Variants in ARHGAP15 observed in about 807,000 individuals in gnomAD.
The protein encoded by ARHGAP15 is rho GTPase-activating protein 15.
ARHGAP15 carries 51 observed loss-of-function variants against 63.7 expected under a neutral mutation model. That is an observed-to-expected ratio of 0.80 (90% CI 0.64 to 1.01). The LOEUF (loss-of-function observed/expected upper bound fraction) is 1.01. Ranked by LOEUF, ARHGAP15 falls within the 50% of genes least tolerant of loss-of-function variation. The pLI, the probability that ARHGAP15 is intolerant of heterozygous loss-of-function variation, is 0.00. For missense variants in ARHGAP15, 560 were observed against 564.6 expected (o/e 0.99, Z 0.08); for synonymous variants, 191 against 193.8 (o/e 0.99, Z 0.12).
intron 13 of ARHGAP15, among the ~76,000 whole-genome samples, chr2:143,753,860 G>A (rs1259538466): frequency 6.6e-6 from 1 of 152,136 alleles, no homozygotes; most frequent in Non-Finnish European, 1.5e-5. Context: ...GATAATATAT[G>A]CGAAGGAAAG....
At chr2:143,189,625 C>A (rs563521007) in intron 2 of ARHGAP15, among the ~76,000 whole-genome samples, 52 of 151,826 alleles carry the variant, frequency 3.4e-4, no homozygotes, top group African/African-American at 1.1e-3. Flanking sequence ...ACACACCTGG[C>A]TAATTTTTGT....
chr2:143,324,966 C>T (rs1302312169), intron 6 of ARHGAP15, among the ~76,000 whole-genome samples: 1 of 152,134 alleles, frequency 6.6e-6, no homozygotes, highest in Admixed American at 6.6e-5. Context: ...AAATTAGATT[C>T]ATTCTCTAGC....
chr2:143,739,010 T>C (rs1361231759), intron 13 of ARHGAP15, among the ~76,000 whole-genome samples: 1 of 152,170 alleles, frequency 6.6e-6, no homozygotes, highest in Non-Finnish European at 1.5e-5. Flanking sequence ...AACCAGGTTA[T>C]CAAAGGAATA....
chr2:143,473,560 C>G (rs1691676309), intron 8 of ARHGAP15, among the ~76,000 whole-genome samples: 1 of 152,124 alleles, frequency 6.6e-6, no homozygotes, highest in Admixed American at 6.5e-5. Context: ...TTAGCCATGT[C>G]TTACCGTGTC....
At chr2:143,262,515 A>T (rs1193016099) in intron 6 of ARHGAP15, among the ~76,000 whole-genome samples, 2 of 131,966 alleles carry the variant, frequency 1.5e-5, no homozygotes, top group African/African-American at 5.8e-5. Flanking sequence ...ACCTTTGTAT[A>T]TGCGGGGTCT....
At chr2:143,388,220 T>C (rs1412002843) in intron 6 of ARHGAP15, among the ~76,000 whole-genome samples, 1 of 152,204 alleles carries the variant, frequency 6.6e-6, no homozygotes, top group Non-Finnish European at 1.5e-5. Flanking sequence ...TACATGAACT[T>C]ATGAAATAAC....
chr2:143,317,945 G>GT (rs1258576696), intron 6 of ARHGAP15, among the ~76,000 whole-genome samples: 1 of 150,728 alleles, frequency 6.6e-6, no homozygotes, highest in African/African-American at 2.4e-5. Context: ...GTTTTGTTTT[G>GT]TTTTTTGCTA....
At chr2:143,459,015 A>T (rs1214026622) in intron 8 of ARHGAP15, among the ~76,000 whole-genome samples, 1 of 152,162 alleles carries the variant, frequency 6.6e-6, no homozygotes, top group East Asian at 1.9e-4. Context: ...CTCAAAAGGC[A>T]TATTGCCAGC....
At chr2:143,358,136 G>C (rs912484574) in intron 6 of ARHGAP15, among the ~76,000 whole-genome samples, 2 of 152,224 alleles carry the variant, frequency 1.3e-5, no homozygotes, top group African/African-American at 4.8e-5. Context: ...AGGCGATGCA[G>C]GTTGGCCCAT....
intron 6 of ARHGAP15, among the ~76,000 whole-genome samples, chr2:143,273,073 A>T (rs1681373958): frequency 6.6e-6 from 1 of 151,962 alleles, no homozygotes; most frequent in African/African-American, 2.4e-5. Flanking sequence ...CTTTTCAATA[A>T]ATTGTTTTAA....
At chr2:143,249,102 G>A (rs886204986) in intron 5 of ARHGAP15, among the ~76,000 whole-genome samples, 18 of 151,988 alleles carry the variant, frequency 1.2e-4, no homozygotes, top group African/African-American at 3.9e-4. Context: ...GTGGCAGAGC[G>A]TGGGTGAAAC....
At chr2:143,150,544 C>T (rs144716689) in intron 1 of ARHGAP15, among the ~76,000 whole-genome samples, 2 of 152,116 alleles carry the variant, frequency 1.3e-5, no homozygotes, top group African/African-American at 4.8e-5. Context: ...GGTATTCTTG[C>T]TCTTCTGTTG....
At chr2:143,644,373 A>C (rs1206439218) in intron 12 of ARHGAP15, among the ~76,000 whole-genome samples, 5 of 152,034 alleles carry the variant, frequency 3.3e-5, no homozygotes, top group African/African-American at 9.7e-5. Context: ...ACAGAAAGTT[A>C]GAGAGTGACA....
chr2:143,577,246 C>G (rs571687196), intron 11 of ARHGAP15, among the ~76,000 whole-genome samples: 1 of 152,136 alleles, frequency 6.6e-6, no homozygotes, highest in Non-Finnish European at 1.5e-5. Flanking sequence ...ATTCCTCATA[C>G]GAGCTAAAAT....
At chr2:143,591,541 T>C (rs1368240427) in intron 11 of ARHGAP15, among the ~76,000 whole-genome samples, 2 of 151,942 alleles carry the variant, frequency 1.3e-5, no homozygotes, top group Non-Finnish European at 2.9e-5. Context: ...GAAACCCAAG[T>C]GAAATAGATG....
chr2:143,459,367 G>T (rs1690816987), intron 8 of ARHGAP15, among the ~76,000 whole-genome samples: 1 of 151,962 alleles, frequency 6.6e-6, no homozygotes, highest in African/African-American at 2.4e-5. Flanking sequence ...TATTTGCCTT[G>T]TTTCCCATCC....
At chr2:143,654,474 A>G (rs1334783755) in intron 12 of ARHGAP15, among the ~76,000 whole-genome samples, 1 of 152,200 alleles carries the variant, frequency 6.6e-6, no homozygotes, top group Non-Finnish European at 1.5e-5. Flanking sequence ...TGATTTATGT[A>G]AGTGAATTTT....
chr2:143,468,316 A>G (rs764717054), intron 8 of ARHGAP15, among the ~76,000 whole-genome samples: 2 of 152,028 alleles, frequency 1.3e-5, no homozygotes, highest in Non-Finnish European at 2.9e-5. Flanking sequence ...ATGAACATGT[A>G]TAAGTGATCT....
intron 9 of ARHGAP15, among the ~76,000 whole-genome samples, chr2:143,509,144 T>C (rs1693458565): frequency 6.6e-6 from 1 of 152,188 alleles, no homozygotes; most frequent in Non-Finnish European, 1.5e-5. Context: ...AGTCTCTCCG[T>C]AGCAGATATT....
Sources: gnomAD v4.1 joint callset for allele counts (sites outside exome capture counted in the v4.1 genomes callset) on GRCh38, gnomAD v4.1.1 for gene constraint, MANE v1.5 for transcripts, NCBI Gene and HGNC (gene_info 2026-07-23, HGNC 2026-07-21) for gene names.